ZRANB3: variants seen among roughly 807,000 people sequenced by gnomAD.
ZRANB3 encodes zinc finger RANBP2-type containing 3, also known as DNA annealing helicase and endonuclease ZRANB3.
In ZRANB3, 125 loss-of-function variants were observed where a neutral mutation model predicts 133.8. That is an observed-to-expected ratio of 0.93 (90% CI 0.81 to 1.08). ZRANB3 has a LOEUF of 1.08. Ranked by LOEUF, ZRANB3 falls within the 50% of genes least tolerant of loss-of-function variation. The probability of loss-of-function intolerance (pLI) is 0.00; values close to 1 mark genes in which losing one functional copy is unlikely to be tolerated. For synonymous variants in ZRANB3, 387 were observed against 432.7 expected (o/e 0.89, Z 1.31); for missense variants, 1,229 against 1,275.5 (o/e 0.96, Z 0.56).
chr2:135,462,232 T>C (rs1455891962), intron 2 of ZRANB3, among the ~76,000 whole-genome samples: 1 of 152,204 alleles, frequency 6.6e-6, no homozygotes, highest in Non-Finnish European at 1.5e-5. Context: ...AACAAATCTA[T>C]CAGCTTAAAA....
At chr2:135,350,990 G>A (rs766585825) in intron 4 of ZRANB3, among the ~76,000 whole-genome samples, 3 of 152,180 alleles carry the variant, frequency 2.0e-5, no homozygotes, top group Non-Finnish European at 2.9e-5. Flanking sequence ...GGCAGGGAAT[G>A]TGTCTTATTC....
intron 3 of ZRANB3, among the ~76,000 whole-genome samples, chr2:135,388,234 C>A (rs1035619959): frequency 5.3e-5 from 8 of 152,110 alleles, no homozygotes; most frequent in Non-Finnish European, 8.8e-5. Flanking sequence ...ATGGGAGAGA[C>A]CCACCCCCAT....
At chr2:135,272,413 G>GTTTTTTTTTTT (rs1558877433) in intron 9 of ZRANB3, among the ~76,000 whole-genome samples, 10 of 109,906 alleles carry the variant, frequency 9.1e-5, no homozygotes, top group African/African-American at 4.6e-4. Context: ...GGAAAATAGA[G>GTTTTTTTTTTT]CTTTTTTTTT....
At chr2:135,507,956 AAAG>A (rs1693269262) in intron 1 of ZRANB3, among the ~76,000 whole-genome samples, 2 of 150,754 alleles carry the variant, frequency 1.3e-5, no homozygotes. Context: ...AAAGAAAAGA[AAAG>A]AAGGAAAGGG....
chr2:135,255,908 T>C (rs1679629226), intron 12 of ZRANB3, among the ~76,000 whole-genome samples: 1 of 145,112 alleles, frequency 6.9e-6, no homozygotes, highest in African/African-American at 2.8e-5. Context: ...GTCAACTCAT[T>C]AAAATTTTTT....
chr2:135,525,718 C>G (rs1205046704), intron 1 of ZRANB3, among the ~76,000 whole-genome samples: 1 of 151,742 alleles, frequency 6.6e-6, no homozygotes, highest in Non-Finnish European at 1.5e-5. Context: ...CATGGTGGTG[C>G]GTGCCTGTAA....
chr2:135,415,336 C>G (rs897138813), intron 2 of ZRANB3, among the ~76,000 whole-genome samples: 2 of 151,970 alleles, frequency 1.3e-5, no homozygotes, highest in African/African-American at 4.8e-5. Flanking sequence ...CACCTCTACG[C>G]AAATAAACTA....
intron 2 of ZRANB3, among the ~76,000 whole-genome samples, chr2:135,396,030 C>T (rs1056198955): frequency 6.6e-5 from 10 of 152,050 alleles, no homozygotes; most frequent in African/African-American, 2.2e-4. Flanking sequence ...AGATATTTTT[C>T]AAAGGAAGAC....
intron 9 of ZRANB3, among the ~76,000 whole-genome samples, chr2:135,272,414 C>CTTTTTTTTTTATTTTTTTTTTTTTTTTT (rs1680563850): frequency 9.3e-6 from 1 of 107,774 alleles, no homozygotes; most frequent in African/African-American, 4.5e-5. Flanking sequence ...GAAAATAGAG[C>CTTTTTTTTTTATTTTTTTTTTTTTTTTT]TTTTTTTTTT....
chr2:135,265,929 G>A (rs1355547090), intron 11 of ZRANB3, among the ~76,000 whole-genome samples: 3 of 152,266 alleles, frequency 2.0e-5, no homozygotes, highest in Admixed American at 1.3e-4. Flanking sequence ...CCTGAAACAC[G>A]CCAGGTGCAG....
At chr2:135,218,745 T>C (rs1353836570) in intron 16 of ZRANB3, among the ~76,000 whole-genome samples, 1 of 152,174 alleles carries the variant, frequency 6.6e-6, no homozygotes, top group Non-Finnish European at 1.5e-5. Flanking sequence ...TTGTTAGAAC[T>C]TAACCTTAAT....
chr2:135,293,108 G>C (rs1681848911), intron 8 of ZRANB3, among the ~76,000 whole-genome samples: 1 of 152,114 alleles, frequency 6.6e-6, no homozygotes, highest in South Asian at 2.1e-4. Flanking sequence ...GAACTTTAAA[G>C]TAGTTTTTTC....
intron 3 of ZRANB3, among the ~76,000 whole-genome samples, chr2:135,364,941 C>A (rs1276660113): frequency 6.6e-6 from 1 of 151,566 alleles, no homozygotes; most frequent in Non-Finnish European, 1.5e-5. Context: ...CCCAGCTACT[C>A]GGGAGGCTGA....
At chr2:135,382,523 C>T (rs1482685275) in intron 3 of ZRANB3, among the ~76,000 whole-genome samples, 1 of 152,102 alleles carries the variant, frequency 6.6e-6, no homozygotes, top group African/African-American at 2.4e-5. Flanking sequence ...AGAAGAGCAA[C>T]TCCAAGACAC....
rs980297440 is a variant in ZRANB3, at chr2:135,422,318, G to A, written c.162-31498C>T. On this transcript the variant is annotated intron_variant, in intron 2 of 20. Coordinates refer to ENST00000264159, the MANE Select transcript of ZRANB3 (RefSeq NM_032143.4). ...CCCTACTACTCCATCACAGTTACTC[G>A]TCAAAGCCATGAATGATATATCTTG... is the stretch of plus-strand genomic sequence containing the variant. 3.9e-5 allele frequency among the ~76,000 whole-genome samples: 6 copies of A among 151,916 alleles called. No homozygotes were observed. The South Asian group carries it at 8.3e-4, about 21-fold the overall frequency.
chr2:135,350,521 C>A (rs1033533851), intron 4 of ZRANB3, among the ~76,000 whole-genome samples: 1 of 152,168 alleles, frequency 6.6e-6, no homozygotes, highest in African/African-American at 2.4e-5. Flanking sequence ...TAGGATCATG[C>A]ATAAAATGGA....
Position 135,491,448 on chromosome 2 carries a change from G to A in ZRANB3, c.161+12881C>T, listed in dbSNP as rs551630864. On this transcript the variant is annotated intron_variant, in intron 2 of 20. Transcript: ENST00000264159. ...CAACCTCCACCTCCCGGGTTTATGCGATTCTCCTGCCTCAGCCTCCCGAGT... is the reference window on the plus strand; with the variant it reads ...CAACCTCCACCTCCCGGGTTTATGCAATTCTCCTGCCTCAGCCTCCCGAGT... Among the ~76,000 whole-genome samples, 103 of 151,726 alleles carry A rather than the reference G, an allele frequency of 6.8e-4. 1 individual carries two copies. Among genetic ancestry groups the A allele is most frequent in the East Asian group, 2.9e-3 (15 of 5,156 alleles).
At chr2:135,202,698 G>A in intron 20 of ZRANB3, 134 bp downstream of exon 20, 3 of 1,101,888 alleles carry the variant, frequency 2.7e-6, no homozygotes, top group Non-Finnish European at 3.7e-6. Context: ...AGTGTTGGGT[G>A]ATGAAAGGAG....
At chr2:135,356,492 A>G (rs1015667937) in intron 3 of ZRANB3, among the ~76,000 whole-genome samples, 5 of 152,208 alleles carry the variant, frequency 3.3e-5, no homozygotes, top group Non-Finnish European at 7.3e-5. Context: ...GGAAACTAGC[A>G]TAAGTATGGG....
Sources: gnomAD v4.1 joint callset for allele counts (sites outside exome capture counted in the v4.1 genomes callset) on GRCh38, gnomAD v4.1.1 for gene constraint, MANE v1.5 for transcripts, NCBI Gene and HGNC (gene_info 2026-07-23, HGNC 2026-07-21) for gene names.